Variants in ELOVL3 observed in about 807,000 individuals in gnomAD.
ELOVL3 encodes ELOVL fatty acid elongase 3.
ELOVL3 carries 11 observed loss-of-function variants against 14.9 expected under a neutral mutation model. That is an observed-to-expected ratio of 0.74 (90% CI 0.46 to 1.22). ELOVL3 has a LOEUF of 1.22. Ranked by LOEUF, ELOVL3 falls within the 50% of genes most tolerant of loss-of-function variation. The pLI is 0.00. For synonymous variants in ELOVL3, 117 were observed against 124.7 expected, an observed-to-expected ratio of 0.94 and a Z score of 0.41; for missense variants, 277 against 338.9, an observed-to-expected ratio of 0.82 and a Z score of 1.43.
rs1402882853 is a variant in ELOVL3 at position 102,228,969 on chromosome 10, T to A, written c.530T>A (p.Val177Asp). Reference protein sequence around the residue: ...GGWFVTMNFGVHAIMYTYYTL... With the variant: ...GGWFVTMNFGDHAIMYTYYTL... ...TGGTTCGTCACCATGAACTTTGGTG[T>A]TCATGCCATCATGTACACCTACTAC... The change falls in exon 4 of 4, where the codon GTT (valine) becomes GAT (aspartate). Residue 177 changes from valine (V) to aspartate (D), a missense_variant. By Grantham distance (152) the Val-to-Asp change is radical. Transcript: ENST00000370005. 6.2e-7 allele frequency: 1 copy of A among 1,614,048 alleles called. No individual in the cohort carries two copies. The highest frequency in any genetic ancestry group is 8.5e-7 in the Non-Finnish European group (1 of 1,180,034).
intron 2 of ELOVL3, 37 bp downstream of exon 2, chr10:102,227,794 T>C (rs370783391): frequency 1.3e-4 from 205 of 1,608,858 alleles, no homozygotes; most frequent in Middle Eastern, 8.2e-4. Context: ...CTTCTCTAGA[T>C]CTTAGACCAC....
chr10:102,226,780 A>C, intron 1 of ELOVL3, 131 bp downstream of exon 1: 1 of 630,080 alleles, frequency 1.6e-6, no homozygotes, highest in Non-Finnish European at 2.8e-6. Flanking sequence ...GCTTCACACT[A>C]CCTTTGTCCG....
rs1045777824 is a variant in ELOVL3, at chr10:102,226,505, A to C, written c.-44A>C. On this transcript the variant is annotated 5_prime_UTR_variant, in exon 1 of 4. Transcript: ENST00000370005. ...GCCATCCTCGGAGCCCCAGCCTTTC[A>C]CCCAGCGCCTCCAAGCTTTGGACCT... The C allele has an allele frequency of 2.1e-6, 3 of 1,440,104 alleles. No homozygotes were observed. The highest frequency in any genetic ancestry group is 1.4e-5 in the African/African-American group (1 of 71,282). The allele number at this position is 1,440,104 out of a possible 1,614,324, so 89.2% of individuals were successfully genotyped here.
rs769139500 is a variant in ELOVL3, at chr10:102,228,573, G to T, written c.385+5G>T. ...TCAGCAAGGTCATAGAACTCGGTGA[G>T]TGGCAAAGCTTTGTCTTTCTGGTGC... On this transcript the variant is annotated splice_donor_5th_base_variant and intron_variant, in intron 3 of 3. Transcript: ENST00000370005. 6.2e-7 allele frequency: 1 copy of T among 1,613,878 alleles called. No individual in the cohort carries two copies. The highest frequency in any genetic ancestry group is 1.7e-5 in the Admixed American group (1 of 60,010).
rs758298827 is a variant in ELOVL3, at chr10:102,228,503, T to G, written c.320T>G (p.Phe107Cys). The G allele has an allele frequency of 3.1e-6, 5 of 1,614,144 alleles. No individual in the cohort carries two copies. The Admixed American group carries it at 6.7e-5, about 22-fold the overall frequency. The change falls in exon 3 of 4, where the codon TTC becomes TGC. Residue 107 changes from phenylalanine to cysteine, a missense_variant. Physicochemically the swap from Phe to Cys is radical, Grantham distance 205. Transcript: ENST00000370005. ...AAGCAAACCGTGTGCTTCATCAACT[T>G]CATCGATAATTCCACAGTCAAATTC... is the stretch of plus-strand genomic sequence containing the variant. Reference protein sequence around the residue: ...GLKQTVCFINFIDNSTVKFWS... With the variant: ...GLKQTVCFINCIDNSTVKFWS...
Position 102,226,372 on chromosome 10 carries a change from G to A in ELOVL3, c.-177G>A, listed in dbSNP as rs560089085. On this transcript the variant is annotated 5_prime_UTR_variant, in exon 1 of 4. Transcript: ENST00000370005. ...GTTATATATCGCAGTGGCTGCGCCC[G>A]GGATAGCTGGCTGCGCCGCCGCGCA... 6 of 570,014 alleles carry A rather than the reference G, an allele frequency of 1.1e-5. No individual in the cohort carries two copies. Among genetic ancestry groups the A allele is most frequent in the Admixed American group, 6.5e-5 (2 of 30,608 alleles). 35.3% of individuals were successfully genotyped at this position (570,014 alleles called of 1,614,324 possible). A position where few individuals can be genotyped will look rare whatever the true frequency, so the allele number is the denominator to read the frequency against.
chr10:102,226,499 C>A lies in ELOVL3; in HGVS notation c.-50C>A, dbSNP rs530872357. 7.4e-7 allele frequency: 1 copy of A among 1,354,272 alleles called. No individual in the cohort carries two copies. Among genetic ancestry groups the A allele is most frequent in the Non-Finnish European group, 1.1e-6 (1 of 945,784 alleles). The allele number at this position is 1,354,272 out of a possible 1,614,324, so 83.9% of individuals were successfully genotyped here. A position where few individuals can be genotyped will look rare whatever the true frequency, so the allele number is the denominator to read the frequency against. On this transcript the variant is annotated 5_prime_UTR_variant, in exon 1 of 4. Coordinates refer to ENST00000370005, the MANE Select transcript of ELOVL3 (RefSeq NM_152310.3). ...GTTCACGCCATCCTCGGAGCCCCAG[C>A]CTTTCACCCAGCGCCTCCAAGCTTT...
intron 2 of ELOVL3, among the ~76,000 whole-genome samples, chr10:102,227,960 C>T (rs902195192): frequency 1.3e-5 from 2 of 152,096 alleles, no homozygotes; most frequent in Non-Finnish European, 2.9e-5. Flanking sequence ...CTTTTAGACC[C>T]CTACCTGGTG....
At chr10:102,228,141 C>T (rs766596857) in intron 2 of ELOVL3, among the ~76,000 whole-genome samples, 27 of 152,150 alleles carry the variant, frequency 1.8e-4, no homozygotes, top group Non-Finnish European at 3.5e-4. Context: ...CATCTCCTCC[C>T]AGGCTCCTAA....
rs759351328 is a variant in ELOVL3 at position 102,226,514 on chromosome 10, C to G, written c.-35C>G. The G allele has an allele frequency of 6.5e-7, 1 of 1,528,112 alleles. No homozygotes were observed. The highest frequency in any genetic ancestry group is 9.1e-7 in the Non-Finnish European group (1 of 1,102,632). The allele number at this position is 1,528,112 out of a possible 1,614,324, so 94.7% of individuals were successfully genotyped here. On this transcript the variant is annotated 5_prime_UTR_variant, in exon 1 of 4. Coordinates refer to ENST00000370005, the MANE Select transcript of ELOVL3 (RefSeq NM_152310.3). ...GGAGCCCCAGCCTTTCACCCAGCGC[C>G]TCCAAGCTTTGGACCTTGACTTCTG... is the stretch of plus-strand genomic sequence containing the variant.
At position 102,229,067 on chromosome 10, in the gene ELOVL3, A is replaced by G. The variant is rs1168038343; in HGVS notation, c.628A>G (p.Met210Val). The G allele has an allele frequency of 6.2e-7, 1 of 1,614,156 alleles. No homozygotes were observed. The highest frequency in any genetic ancestry group is 1.7e-5 in the Admixed American group (1 of 60,022). Residue 210 changes from methionine (M) to valine (V), a missense_variant, in exon 4 of 4, where the codon ATG becomes GTG. Met to Val is a conservative substitution (Grantham distance 21, BLOSUM62 1). Coordinates refer to ENST00000370005, the MANE Select transcript of ELOVL3 (RefSeq NM_152310.3). Reference protein sequence around the residue: ...MLITSLQILQMFVGAIVSILT... With the variant: ...MLITSLQILQVFVGAIVSILT... ...CATCACCAGCCTGCAGATCTTGCAGATGTTTGTAGGAGCCATCGTCAGCAT... is the reference window on the plus strand; with the variant it reads ...CATCACCAGCCTGCAGATCTTGCAGGTGTTTGTAGGAGCCATCGTCAGCAT...
rs566414385 is a variant in ELOVL3 at position 102,228,730 on chromosome 10, C to A, written c.386-95C>A. The A allele has an allele frequency of 1.2e-5, 17 of 1,444,502 alleles. No individual in the cohort carries two copies. In the Admixed American group the frequency reaches 2.3e-4, roughly 19 times the overall value. The allele number at this position is 1,444,502 out of a possible 1,614,324, so 89.5% of individuals were successfully genotyped here. ...GATTCTCTGCCACAAAGACCCCCTT[C>A]CCTCCCCTGAGAATTTCTCCCGTGT... On this transcript the variant is annotated intron_variant, in intron 3 of 3. Transcript: ENST00000370005.
rs768604318 is a variant in ELOVL3, at chr10:102,228,831, C to A, written c.392C>A (p.Thr131Lys). 1 of 1,607,818 alleles carries A rather than the reference C, an allele frequency of 6.2e-7. No individual in the cohort carries two copies. Among genetic ancestry groups the A allele is most frequent in the Non-Finnish European group, 8.5e-7 (1 of 1,175,868 alleles). ...ATGACTCTCCATCTCCCAGGAGACA[C>A]AGCCTTCATCATCCTGCGTAAGCGG... ...LLSKVIELGD[T>K]AFIILRKRPL... The change falls in exon 4 of 4, where the codon ACA becomes AAA. Residue 131 changes from threonine (T) to lysine (K), a missense_variant. Transcript: ENST00000370005.
chr10:102,228,391 CA>C lies in ELOVL3; in HGVS notation c.234-25del, dbSNP rs755639395. 2.5e-6 allele frequency: 4 copies of C among 1,610,030 alleles called. No individual in the cohort carries two copies. In the South Asian group the frequency reaches 4.4e-5, roughly 18 times the overall value. On this transcript the variant is annotated intron_variant, in intron 2 of 3. Coordinates refer to ENST00000370005, the MANE Select transcript of ELOVL3 (RefSeq NM_152310.3). ...TATTGGTGCCTGGGGATGACACTTA[CA>C]CCATCTTCCTTTGTCCCATTTCAGT...
Position 102,229,278 on chromosome 10 carries a change from C to T in ELOVL3, c.*26C>T. 5 of 1,575,230 alleles carry T rather than the reference C, an allele frequency of 3.2e-6. No homozygotes were observed. Among genetic ancestry groups the T allele is most frequent in the Non-Finnish European group, 4.3e-6 (5 of 1,158,364 alleles). On this transcript the variant is annotated 3_prime_UTR_variant, in exon 4 of 4. Coordinates refer to ENST00000370005, the MANE Select transcript of ELOVL3 (RefSeq NM_152310.3). ...AGGTTTGGAGAGAACAATGAAGCTC[C>T]AGGCTCTCTCTTCTCCAGGGCACCA...
chr10:102,226,105 G>A (rs555241781), upstream of ELOVL3, among the ~76,000 whole-genome samples: 1 of 152,324 alleles, frequency 6.6e-6, no homozygotes, highest in African/African-American at 2.4e-5. Flanking sequence ...CCGCAAGGCC[G>A]CACAGGATGG....
chr10:102,226,375 A>G lies in ELOVL3; in HGVS notation c.-174A>G, dbSNP rs2070135816. 1.7e-6 allele frequency: 1 copy of G among 573,488 alleles called. No individual in the cohort carries two copies. The highest frequency in any genetic ancestry group is 1.9e-5 in the African/African-American group (1 of 52,338). The allele number at this position is 573,488 out of a possible 1,614,324, so 35.5% of individuals were successfully genotyped here. ...ATATATCGCAGTGGCTGCGCCCGGG[A>G]TAGCTGGCTGCGCCGCCGCGCACAT... On this transcript the variant is annotated 5_prime_UTR_variant, in exon 1 of 4. Coordinates refer to ENST00000370005, the MANE Select transcript of ELOVL3 (RefSeq NM_152310.3).
intron 3 of ELOVL3, 105 bp downstream of exon 3, chr10:102,228,673 C>A: frequency 6.9e-7 from 1 of 1,449,832 alleles, no homozygotes; most frequent in Middle Eastern, 1.8e-4. Context: ...CCCTTGGGTC[C>A]CAATAATACC....
In ELOVL3 at chr10:102,227,646, C is replaced by T. The variant is rs1286955757; in HGVS notation, c.122C>T (p.Ala41Val). Residue 41 changes from alanine to valine, a missense_variant, in exon 2 of 4, where the codon GCC (alanine) becomes GTC (valine). Coordinates refer to ENST00000370005, the MANE Select transcript of ELOVL3 (RefSeq NM_152310.3). The stretch of plus-strand genomic sequence containing the variant: ...GCCAGGGCAACCTCATTCCCCATAG[C>T]CCTGATCTACCTGGTTCTCATCGCT... ...EEYWATSFPI[A>V]LIYLVLIAVG... The T allele has an allele frequency of 6.2e-7, 1 of 1,613,358 alleles. No individual in the cohort carries two copies.
Sources: gnomAD v4.1 joint callset for allele counts (sites outside exome capture counted in the v4.1 genomes callset) on GRCh38, gnomAD v4.1.1 for gene constraint, MANE v1.5 for transcripts, NCBI Gene and HGNC (gene_info 2026-07-23, HGNC 2026-07-21) for gene names.